Variants in GRK5 observed in about 807,000 individuals in gnomAD.
GRK5 encodes the protein g protein-coupled receptor kinase GRK5.
GRK5 carries 40 observed loss-of-function variants against 78.4 expected under a neutral mutation model. The observed-to-expected ratio is 0.51, with a 90% CI of 0.40 to 0.66. GRK5 has a LOEUF of 0.66. Among genes scored for constraint, GRK5 ranks in the 30% least tolerant of loss-of-function variants. The pLI, the probability that GRK5 is intolerant of heterozygous loss-of-function variation, is 0.00. For missense variants in GRK5, 598 were observed against 759.9 expected (o/e 0.79, Z 2.50); for synonymous variants, 289 against 296.8 (o/e 0.97, Z 0.27).
In GRK5 at chr10:119,378,804, C is replaced by T. The variant is rs765839033; in HGVS notation, c.149-2011C>T. Among the ~76,000 whole-genome samples, 3 of 152,256 alleles carry T rather than the reference C, an allele frequency of 2.0e-5. No individual in the cohort carries two copies. Among genetic ancestry groups the T allele is most frequent in the Non-Finnish European group, 2.9e-5 (2 of 68,044 alleles). On this transcript the variant is annotated intron_variant, in intron 2 of 15. Coordinates refer to ENST00000392870, the MANE Select transcript of GRK5 (RefSeq NM_005308.3). This position sits in a 1 kb window ranked among gnomAD's most constrained non-coding sequence, Gnocchi z 4.5. ...TTTCCTGGAAGTTCTGGCAAAAGCC[C>T]TGGGAGGACTCCGGGGCCCCCACGG...
chr10:119,265,594 C>T (rs1368459137), intron 1 of GRK5, among the ~76,000 whole-genome samples: 3 of 152,222 alleles, frequency 2.0e-5, no homozygotes, highest in African/African-American at 7.2e-5. Flanking sequence ...TATTGGACTT[C>T]CTAACTTTTA....
intron 1 of GRK5, among the ~76,000 whole-genome samples, chr10:119,288,477 C>T (rs1211722511): frequency 6.6e-6 from 1 of 152,154 alleles, no homozygotes; most frequent in Non-Finnish European, 1.5e-5. Context: ...CCTGTTTCCC[C>T]AAAGCTTTAT....
chr10:119,394,069 CTG>C (rs1278980637), intron 3 of GRK5, among the ~76,000 whole-genome samples: 18 of 115,418 alleles, frequency 1.6e-4, no homozygotes, highest in Non-Finnish European at 2.3e-4. Context: ...GTGTGTGTGT[CTG>C]TGGGTGTGTG....
intron 2 of GRK5, among the ~76,000 whole-genome samples, chr10:119,343,739 T>A (rs1312099965): frequency 1.3e-5 from 2 of 152,164 alleles, no homozygotes; most frequent in Admixed American, 6.6e-5. Context: ...GGTGAGGTCC[T>A]TGCCCCGCAG....
At chr10:119,352,485 C>T (rs377749156) in intron 2 of GRK5, among the ~76,000 whole-genome samples, 6 of 152,292 alleles carry the variant, frequency 3.9e-5, no homozygotes, top group African/African-American at 1.4e-4. Flanking sequence ...AAACATCCTG[C>T]CCTCAAGGTG....
Position 119,431,550 on chromosome 10 carries a change from T to A in GRK5, c.738+23T>A. The A allele has an allele frequency of 6.2e-7, 1 of 1,607,042 alleles. No homozygotes were observed. Among genetic ancestry groups the A allele is most frequent in the Non-Finnish European group, 8.5e-7 (1 of 1,176,138 alleles). ...GTGGTGAGTGAGCATCTGGGCCCAG[T>A]GACCGGCTCGCCCTTCTGTGGACTG... On this transcript the variant is annotated intron_variant, in intron 8 of 15. Transcript: ENST00000392870. This position sits in a 1 kb window ranked among gnomAD's most constrained non-coding sequence, Gnocchi z 4.8.
chr10:119,266,427 C>T (rs561729255), intron 1 of GRK5, among the ~76,000 whole-genome samples: 29 of 152,054 alleles, frequency 1.9e-4, no homozygotes, highest in Admixed American at 5.2e-4. Flanking sequence ...GGCGCCGCTG[C>T]ACTCCAGCCT....
In GRK5 at chr10:119,431,348, C is replaced by T. The variant is rs779123615; in HGVS notation, c.598-39C>T. 67 of 1,594,176 alleles carry T rather than the reference C, an allele frequency of 4.2e-5. No individual in the cohort carries two copies. In the East Asian group the frequency reaches 7.0e-4, roughly 17 times the overall value. On this transcript the variant is annotated intron_variant, in intron 7 of 15. Coordinates refer to ENST00000392870, the MANE Select transcript of GRK5 (RefSeq NM_005308.3). The surrounding 1 kb of genome is among the most constrained non-coding windows in gnomAD (Gnocchi z 4.8). ...TGGAGGAGCTCGGGGCAGGCCTCCA[C>T]GGTGCTCCTGCCACCCTGGTTTCTT...
At chr10:119,433,581 G>A (rs1357135790) in intron 8 of GRK5, among the ~76,000 whole-genome samples, 1 of 152,204 alleles carries the variant, frequency 6.6e-6, no homozygotes, top group Non-Finnish European at 1.5e-5. Flanking sequence ...CAGAAGCACA[G>A]TCCCCATGAG....
chr10:119,210,611 T>A (rs954517659), intron 1 of GRK5, among the ~76,000 whole-genome samples: 2 of 152,222 alleles, frequency 1.3e-5, no homozygotes, highest in Non-Finnish European at 2.9e-5. Context: ...ATTAAAAAAA[T>A]CTGAGTTGTT....
intron 4 of GRK5, among the ~76,000 whole-genome samples, chr10:119,400,914 G>A (rs1203364622): frequency 6.6e-6 from 1 of 152,180 alleles, no homozygotes. Flanking sequence ...GTGTATGGGG[G>A]TGTCCCCAGG....
chr10:119,343,468 G>C lies in GRK5; in HGVS notation c.148+16857G>C, dbSNP rs1564898473. 3.3e-5 allele frequency among the ~76,000 whole-genome samples: 5 copies of C among 152,380 alleles called. No homozygotes were observed. In the South Asian group the frequency reaches 1.0e-3, roughly 32 times the overall value. On this transcript the variant is annotated intron_variant, in intron 2 of 15. Coordinates refer to ENST00000392870, the MANE Select transcript of GRK5 (RefSeq NM_005308.3). ...TTAGGGATGACGATGCAGAGACTCAGAGAGGTTGGTAAGTTGCTCACAGGC... is the reference window on the plus strand; with the variant it reads ...TTAGGGATGACGATGCAGAGACTCACAGAGGTTGGTAAGTTGCTCACAGGC...
Position 119,439,610 on chromosome 10 carries a change from G to T in GRK5, c.930-121G>T, listed in dbSNP as rs145623653. On this transcript the variant is annotated intron_variant, in intron 9 of 15. Transcript: ENST00000392870. ...CAAACCAGACAGCCTGAGCCAGGAG[G>T]TGGGAAGGAAACACACTGTGGCCAC... is the stretch of plus-strand genomic sequence containing the variant. 1.7e-4 allele frequency: 136 copies of T among 787,736 alleles called. 1 individual carries two copies. In the African/African-American group the frequency reaches 1.7e-3, roughly 10 times the overall value. The allele number at this position is 787,736 out of a possible 1,614,324, so 48.8% of individuals were successfully genotyped here.
At chr10:119,318,116 C>T (rs375280970) in intron 1 of GRK5, among the ~76,000 whole-genome samples, 4 of 152,044 alleles carry the variant, frequency 2.6e-5, no homozygotes, top group Admixed American at 2.6e-4. Context: ...TGCATGGAAC[C>T]TTCCTCAGTT....
intron 2 of GRK5, among the ~76,000 whole-genome samples, chr10:119,355,341 A>G (rs1851248764): frequency 6.6e-6 from 1 of 152,240 alleles, no homozygotes; most frequent in African/African-American, 2.4e-5. Context: ...TAGTATAAAT[A>G]ATGCTGCAAT....
At chr10:119,432,798 C>T (rs767217079) in intron 8 of GRK5, among the ~76,000 whole-genome samples, 2 of 152,188 alleles carry the variant, frequency 1.3e-5, no homozygotes, top group African/African-American at 2.4e-5. Context: ...GGGCCGGGCA[C>T]GGTGGCTCAC....
rs758698914 is a variant in GRK5 at position 119,453,221 on chromosome 10, A to G, written c.1619A>G (p.Asn540Ser). Residue 540 changes from asparagine (N) to serine (S), a missense_variant, in exon 15 of 16, where the codon AAC becomes AGC. Asn to Ser is a conservative substitution (Grantham distance 46, BLOSUM62 1). Transcript: ENST00000392870. ...NGTLPPDLNR[N>S]HPPEPPKKGL... ...ACCCTCCCGCCAGATCTGAACAGAA[A>G]CCACCCTCCGGAACCGCCCAAGAAA... is the stretch of plus-strand genomic sequence containing the variant. 1 of 1,613,768 alleles carries G rather than the reference A, an allele frequency of 6.2e-7. No individual in the cohort carries two copies. Among genetic ancestry groups the G allele is most frequent in the South Asian group, 1.1e-5 (1 of 91,054 alleles).
intron 12 of GRK5, 113 bp from the exon 13 acceptor site, chr10:119,448,010 G>C (rs574534144): frequency 2.3e-6 from 3 of 1,300,904 alleles, no homozygotes; most frequent in South Asian, 1.7e-5. Flanking sequence ...ACCTTTGCAG[G>C]GTGGGGCAGC....
chr10:119,387,405 C>T (rs1422556761), intron 3 of GRK5, among the ~76,000 whole-genome samples: 5 of 152,140 alleles, frequency 3.3e-5, no homozygotes, highest in Admixed American at 6.5e-5. Flanking sequence ...GAACTGTTTG[C>T]GCGTCATTTA....
Sources: allele counts gnomAD v4.1 joint callset (sites outside exome capture counted in the v4.1 genomes callset), GRCh38; gene constraint gnomAD v4.1.1; non-coding constraint Gnocchi (gnomAD v3.1); transcripts MANE v1.5; gene names NCBI Gene and HGNC (gene_info 2026-07-23, HGNC 2026-07-21).